The following ZFAT variants were observed in gnomAD, a reference collection of about 807,000 sequenced individuals.
The protein encoded by ZFAT is zinc finger protein ZFAT.
A neutral mutation model predicts 117.7 loss-of-function variants in ZFAT; 64 were observed. The observed-to-expected ratio is 0.54, with a 90% confidence interval of 0.44 to 0.67. The LOEUF (loss-of-function observed/expected upper bound fraction) is 0.67, where lower values mean the gene tolerates loss of function less well. ZFAT is among the 30% of genes least tolerant of loss of function. ZFAT has a pLI of 0.00. For missense variants in ZFAT, 1,433 were observed against 1,584.5 expected, an observed-to-expected ratio of 0.90 and a Z score of 1.62; for synonymous variants, 679 against 615.0, an observed-to-expected ratio of 1.10 and a Z score of -1.54.
chr8:134,549,999 C>T (rs1358986280), intron 11 of ZFAT, among the ~76,000 whole-genome samples: 2 of 152,114 alleles, frequency 1.3e-5, no homozygotes, highest in Non-Finnish European at 2.9e-5. Flanking sequence ...CTCGTGTTAG[C>T]ATGTAAAGAA....
the ZFAT span, among the ~76,000 whole-genome samples, chr8:134,803,251 T>A: frequency 6.6e-6 from 1 of 152,232 alleles, no homozygotes; most frequent in Non-Finnish European, 1.5e-5. Context: ...TCTTACTAAA[T>A]TTTAAAGCAG....
intron 2 of ZFAT, among the ~76,000 whole-genome samples, chr8:134,654,138 T>C (rs1465001687): frequency 6.6e-6 from 1 of 151,908 alleles, no homozygotes; most frequent in Non-Finnish European, 1.5e-5. Flanking sequence ...CTACTAAAAA[T>C]ACAAAAATTA....
chr8:134,634,741 C>G (rs569418266), intron 3 of ZFAT, among the ~76,000 whole-genome samples: 1 of 152,132 alleles, frequency 6.6e-6, no homozygotes, highest in African/African-American at 2.4e-5. Flanking sequence ...CAGAGCCACA[C>G]GGAAAGATGG....
rs1343621456 is a variant in ZFAT at position 134,477,830 on chromosome 8, A to G, written c.*652T>C. 1.3e-5 allele frequency: 2 copies of G among 152,292 alleles called. No homozygotes were observed. Among genetic ancestry groups the G allele is most frequent in the African/African-American group, 4.8e-5 (2 of 41,456 alleles). The allele number at this position is 152,292 out of a possible 1,614,324, so 9.4% of individuals were successfully genotyped here. On this transcript the variant is annotated 3_prime_UTR_variant, in exon 16 of 16. Transcript: ENST00000377838. ...TTTATTCCAACCACCTCACCTCCTT[A>G]GAATGGGAGGCGAACAGTGAAATAG...
chr8:134,613,975 C>A (rs1051529509), intron 3 of ZFAT, among the ~76,000 whole-genome samples: 12 of 152,318 alleles, frequency 7.9e-5, no homozygotes, highest in Middle Eastern at 3.4e-3. Flanking sequence ...TCTTGTTACA[C>A]GAGAGAACAT....
the ZFAT span, among the ~76,000 whole-genome samples, chr8:134,745,009 G>A: frequency 8.6e-5 from 13 of 150,310 alleles, no homozygotes; most frequent in Admixed American, 2.6e-4. Flanking sequence ...AATTACAGGC[G>A]TAGCCACCGC....
At chr8:134,669,060 G>A (rs1444414376) in intron 1 of ZFAT, among the ~76,000 whole-genome samples, 2 of 152,038 alleles carry the variant, frequency 1.3e-5, no homozygotes, top group Non-Finnish European at 2.9e-5. Context: ...GAAAAAAGAG[G>A]AAAAAGAAAT....
the ZFAT span, among the ~76,000 whole-genome samples, chr8:134,786,054 T>C: frequency 4.6e-5 from 7 of 152,226 alleles, no homozygotes; most frequent in African/African-American, 1.7e-4. Context: ...AATAATACAC[T>C]TTCAAACACA....
chr8:134,683,048 T>TG (rs1833146510), intron 1 of ZFAT, among the ~76,000 whole-genome samples: 1 of 152,182 alleles, frequency 6.6e-6, no homozygotes. Context: ...TGTCAGAAAA[T>TG]GGTCATAACA....
the ZFAT span, among the ~76,000 whole-genome samples, chr8:134,763,682 T>C: frequency 3.6e-3 from 541 of 152,328 alleles, 4 homozygotes; most frequent in African/African-American, 0.012. Context: ...GCCTGGCCCA[T>C]AGAAGTTGCC....
chr8:134,668,405 C>A (rs192048603), intron 1 of ZFAT, among the ~76,000 whole-genome samples: 1 of 152,358 alleles, frequency 6.6e-6, no homozygotes, highest in Non-Finnish European at 1.5e-5. Flanking sequence ...TGAGACAAAA[C>A]TTCCAGAGGA....
At chr8:134,680,068 G>A (rs189545447) in intron 1 of ZFAT, among the ~76,000 whole-genome samples, 1 of 151,572 alleles carries the variant, frequency 6.6e-6, no homozygotes, top group Admixed American at 6.6e-5. Flanking sequence ...TTCTGTACAT[G>A]TACCCCTGAA....
At chr8:134,774,279 G>A in the ZFAT span, among the ~76,000 whole-genome samples, 1 of 152,300 alleles carries the variant, frequency 6.6e-6, no homozygotes, top group East Asian at 1.9e-4. Flanking sequence ...TTACAGGCGT[G>A]AGACACTACG....
At chr8:134,671,156 C>T (rs1211473253) in intron 1 of ZFAT, among the ~76,000 whole-genome samples, 1 of 152,184 alleles carries the variant, frequency 6.6e-6, no homozygotes, top group Non-Finnish European at 1.5e-5. Flanking sequence ...GGATTCACAG[C>T]CAGATTCTAC....
chr8:134,517,148 T>C (rs1820311407), intron 13 of ZFAT, among the ~76,000 whole-genome samples: 1 of 152,190 alleles, frequency 6.6e-6, no homozygotes, highest in African/African-American at 2.4e-5. Context: ...CAAATAACTG[T>C]TTTGAAGTCT....
At chr8:134,593,305 C>T (rs1196921983) in intron 7 of ZFAT, among the ~76,000 whole-genome samples, 1 of 151,378 alleles carries the variant, frequency 6.6e-6, no homozygotes, top group Non-Finnish European at 1.5e-5. Context: ...TTTTTTGATG[C>T]CTTTGAAGAC....
At chr8:134,691,353 A>ACT (rs10664735) in intron 1 of ZFAT, among the ~76,000 whole-genome samples, 1 of 152,036 alleles carries the variant, frequency 6.6e-6, no homozygotes, top group South Asian at 2.1e-4. Context: ...GGCGGGGCTC[A>ACT]GGTGGTGGCC....
chr8:134,612,155 C>A (rs1237449363), intron 3 of ZFAT, among the ~76,000 whole-genome samples: 2 of 152,338 alleles, frequency 1.3e-5, no homozygotes, highest in East Asian at 3.9e-4. Context: ...AATTCACTTC[C>A]TCAGAACATA....
At chr8:134,681,259 G>A (rs1833057449) in intron 1 of ZFAT, among the ~76,000 whole-genome samples, 1 of 152,158 alleles carries the variant, frequency 6.6e-6, no homozygotes, top group African/African-American at 2.4e-5. Context: ...GGAGGTTTGG[G>A]GTCTGAAGGG....
Sources: allele counts gnomAD v4.1 joint callset (sites outside exome capture counted in the v4.1 genomes callset), GRCh38; gene constraint gnomAD v4.1.1; transcripts MANE v1.5; gene names NCBI Gene and HGNC (gene_info 2026-07-23, HGNC 2026-07-21).